The following SLC24A3 variants were observed in gnomAD, a reference collection of about 807,000 sequenced individuals.
SLC24A3 encodes the protein solute carrier family 24 member 3, also known as sodium/potassium/calcium exchanger 3.
SLC24A3 carries 28 observed loss-of-function variants against 75.8 expected under a neutral mutation model. The ratio of observed to expected loss-of-function variants is 0.37; its 90% CI spans 0.27 to 0.51. The LOEUF is 0.51. Among genes scored for constraint, SLC24A3 ranks in the 20% least tolerant of loss-of-function variants. SLC24A3 has a pLI of 0.94. For missense variants in SLC24A3, 663 were observed against 847.8 expected (o/e 0.78, Z 2.71); for synonymous variants, 372 against 334.1 (o/e 1.11, Z -1.24).
At chr20:19,584,934 C>A in intron 4 of SLC24A3, 37 bp from the exon 5 acceptor site, 1 of 1,570,624 alleles carries the variant, frequency 6.4e-7, no homozygotes, top group Admixed American at 1.7e-5. Context: ...GAGATGGAAT[C>A]CCAACTCACC....
rs867904514 is a variant in SLC24A3, at chr20:19,587,270, G to A, written c.612+1726G>A. 2.8e-4 allele frequency among the ~76,000 whole-genome samples: 42 copies of A among 152,324 alleles called. No individual in the cohort carries two copies. The Middle Eastern group carries it at 0.01, about 37-fold the overall frequency. ...AATGACTGGGGAGCATCTAGTCAGT[G>A]CCACACAACTAATTACTTATGAAAT... On this transcript the variant is annotated intron_variant, in intron 6 of 16. Coordinates refer to ENST00000328041, the MANE Select transcript of SLC24A3 (RefSeq NM_020689.4).
intron 2 of SLC24A3, among the ~76,000 whole-genome samples, chr20:19,404,779 TG>T (rs1986613056): frequency 1.3e-5 from 2 of 152,240 alleles, no homozygotes; most frequent in African/African-American, 4.8e-5. Flanking sequence ...AGCTTGGCCA[TG>T]GCTGAAGGAC....
intron 2 of SLC24A3, among the ~76,000 whole-genome samples, chr20:19,481,178 A>T (rs1459008150): frequency 6.6e-6 from 1 of 152,080 alleles, no homozygotes; most frequent in Non-Finnish European, 1.5e-5. Flanking sequence ...TAGATAGTAT[A>T]GGCAACACTC....
intron 6 of SLC24A3, among the ~76,000 whole-genome samples, chr20:19,592,166 G>A (rs761158049): frequency 2.0e-5 from 3 of 152,166 alleles, no homozygotes; most frequent in African/African-American, 4.8e-5. Flanking sequence ...TATTGAGCAC[G>A]AGTGGCACGT....
chr20:19,366,314 A>T (rs1985890841), intron 2 of SLC24A3, among the ~76,000 whole-genome samples: 2 of 152,238 alleles, frequency 1.3e-5, no homozygotes, highest in Non-Finnish European at 2.9e-5. Flanking sequence ...CCTAAAAGTT[A>T]TCCCAGCCTT....
intron 2 of SLC24A3, among the ~76,000 whole-genome samples, chr20:19,359,607 C>G (rs1239571252): frequency 6.6e-6 from 1 of 152,184 alleles, no homozygotes; most frequent in Non-Finnish European, 1.5e-5. Flanking sequence ...CCCAGTGACC[C>G]CTGCTTCTCA....
chr20:19,377,107 G>A (rs1986096800), intron 2 of SLC24A3, among the ~76,000 whole-genome samples: 1 of 152,178 alleles, frequency 6.6e-6, no homozygotes, highest in Non-Finnish European at 1.5e-5. Flanking sequence ...ATTAGTTGGA[G>A]TGTGTACATT....
At chr20:19,336,706 C>G (rs1172684594) in intron 2 of SLC24A3, among the ~76,000 whole-genome samples, 2 of 126,766 alleles carry the variant, frequency 1.6e-5, no homozygotes, top group Non-Finnish European at 3.4e-5. Context: ...CCCCACCCCC[C>G]ACCCCCTCCT....
chr20:19,560,330 A>G (rs1263435997), intron 3 of SLC24A3, among the ~76,000 whole-genome samples: 1 of 152,006 alleles, frequency 6.6e-6, no homozygotes, highest in Non-Finnish European at 1.5e-5. Context: ...ATCAATTCCT[A>G]CTCCTGTCTC....
At chr20:19,359,397 C>A (rs1985746953) in intron 2 of SLC24A3, among the ~76,000 whole-genome samples, 1 of 152,132 alleles carries the variant, frequency 6.6e-6, no homozygotes, top group South Asian at 2.1e-4. Context: ...CCTTCTCTCC[C>A]CACTGAGGAG....
At chr20:19,649,310 G>A (rs1468449420) in intron 6 of SLC24A3, among the ~76,000 whole-genome samples, 2 of 152,212 alleles carry the variant, frequency 1.3e-5, no homozygotes, top group East Asian at 1.9e-4. Flanking sequence ...CCCAGAAGAC[G>A]AGGGTATTCA....
intron 2 of SLC24A3, among the ~76,000 whole-genome samples, chr20:19,387,764 T>C (rs1986296413): frequency 6.6e-6 from 1 of 152,172 alleles, no homozygotes; most frequent in Admixed American, 6.5e-5. Context: ...AAACATTTCT[T>C]GTGTGCTTGA....
At chr20:19,522,992 A>G (rs761396810) in intron 3 of SLC24A3, among the ~76,000 whole-genome samples, 1 of 152,178 alleles carries the variant, frequency 6.6e-6, no homozygotes, top group Non-Finnish European at 1.5e-5. Context: ...AAGGAAAGGG[A>G]GAAGTGAAAT....
intron 3 of SLC24A3, among the ~76,000 whole-genome samples, chr20:19,525,649 G>T (rs2030185625): frequency 6.6e-6 from 1 of 152,140 alleles, no homozygotes; most frequent in Non-Finnish European, 1.5e-5. Context: ...CCCCACCAAA[G>T]CCCTCACACA....
intron 2 of SLC24A3, among the ~76,000 whole-genome samples, chr20:19,437,722 C>T (rs58589852): frequency 0.027 from 4,164 of 152,228 alleles, 167 homozygotes; most frequent in East Asian, 0.1. Context: ...AGCAAACCCA[C>T]GTGCCTGAGG....
intron 2 of SLC24A3, among the ~76,000 whole-genome samples, chr20:19,429,818 C>A (rs1987070634): frequency 6.6e-6 from 1 of 152,144 alleles, no homozygotes; most frequent in Non-Finnish European, 1.5e-5. Context: ...TTCAGTGTTG[C>A]TGATTATGCT....
intron 2 of SLC24A3, among the ~76,000 whole-genome samples, chr20:19,369,612 TCA>T (rs149379516): frequency 0.014 from 2,173 of 152,298 alleles, 58 homozygotes; most frequent in African/African-American, 0.05. Flanking sequence ...TTTTATAATT[TCA>T]CAGTGATTAT....
At chr20:19,268,852 G>A (rs1048939820) in intron 1 of SLC24A3, among the ~76,000 whole-genome samples, 4 of 152,190 alleles carry the variant, frequency 2.6e-5, no homozygotes, top group African/African-American at 9.7e-5. Context: ...AGTGAGACTG[G>A]CTGGCTTTCT....
intron 2 of SLC24A3, among the ~76,000 whole-genome samples, chr20:19,373,720 A>C (rs1389908334): frequency 6.6e-6 from 1 of 152,156 alleles, no homozygotes; most frequent in Non-Finnish European, 1.5e-5. Flanking sequence ...GATGTAGGTG[A>C]GGGGAGAAAT....
Sources: gnomAD v4.1 joint callset for allele counts (sites outside exome capture counted in the v4.1 genomes callset) on GRCh38, gnomAD v4.1.1 for gene constraint, MANE v1.5 for transcripts, NCBI Gene and HGNC (gene_info 2026-07-23, HGNC 2026-07-21) for gene names.